The following COL4A4 variants were observed in gnomAD, a reference collection of about 807,000 sequenced individuals.
COL4A4 encodes collagen type IV alpha 4 chain.
A neutral mutation model predicts 192.9 loss-of-function variants in COL4A4; 105 were observed. The observed-to-expected ratio is 0.54, with a 90% CI of 0.46 to 0.64. COL4A4 has a LOEUF of 0.64. COL4A4 is among the 30% of genes least tolerant of loss of function. The probability of loss-of-function intolerance (pLI) is 0.00; values close to 1 mark genes in which losing one functional copy is unlikely to be tolerated. For missense variants in COL4A4, 1,967 were observed against 2,169.3 expected, an observed-to-expected ratio of 0.91 and a Z score of 1.85; for synonymous variants, 762 against 769.9, an observed-to-expected ratio of 0.99 and a Z score of 0.17.
At chr2:227,044,615 A>T (rs1972073120) in intron 35 of COL4A4, among the ~76,000 whole-genome samples, 1 of 113,716 alleles carries the variant, frequency 8.8e-6, no homozygotes, top group African/African-American at 3.4e-5. Context: ...ACACTGAAAT[A>T]TTAAAAATAA....
chr2:227,077,730 G>C (rs1169864141), intron 25 of COL4A4, among the ~76,000 whole-genome samples, 164 bp downstream of exon 25: 1 of 151,536 alleles, frequency 6.6e-6, no homozygotes, highest in Non-Finnish European at 1.5e-5. Context: ...GGGAGGAAAG[G>C]GGTCTAGGGA....
intron 4 of COL4A4, among the ~76,000 whole-genome samples, chr2:227,139,536 G>A (rs1031230064): frequency 9.2e-5 from 14 of 152,298 alleles, no homozygotes; most frequent in Admixed American, 7.2e-4. Flanking sequence ...AGAATCTAGC[G>A]TGGTCATCAA....
In COL4A4 at chr2:227,045,949, ATG is replaced by A. The variant is rs1345635076; in HGVS notation, c.3289+1524_3289+1525del. Among the ~76,000 whole-genome samples the A allele has an allele frequency of 4.9e-3, 446 of 91,368 alleles. 103 individuals carry two copies. Among genetic ancestry groups the A allele is most frequent in the African/African-American group, 0.021 (403 of 19,554 alleles). 59.9% of individuals were successfully genotyped at this position (91,368 alleles called of 152,430 possible). On this transcript the variant is annotated intron_variant, in intron 35 of 47. Transcript: ENST00000396625. ...TATGTATATATGTATATATGTATAT[ATG>A]TATATATGTATATATTTATATGTGT...
chr2:227,079,263 G>A (rs894035343), intron 24 of COL4A4, among the ~76,000 whole-genome samples: 7 of 152,170 alleles, frequency 4.6e-5, no homozygotes, highest in Non-Finnish European at 1.0e-4. Flanking sequence ...TTGTTTCAAC[G>A]AATCTAGGAA....
the COL4A4 span, among the ~76,000 whole-genome samples, chr2:226,973,411 G>T: frequency 6.6e-6 from 1 of 152,210 alleles, no homozygotes; most frequent in Non-Finnish European, 1.5e-5. Flanking sequence ...GGGAAAGTTG[G>T]GAAGTGAGTG....
intron 10 of COL4A4, 66 bp downstream of exon 10, chr2:227,109,158 G>C: frequency 6.8e-7 from 1 of 1,476,780 alleles, no homozygotes; most frequent in Admixed American, 1.7e-5. Context: ...AAATGGCAAT[G>C]TTGCTTCTTT....
chr2:227,088,580 T>G (rs776347149), intron 22 of COL4A4, 73 bp downstream of exon 22: 7 of 1,564,830 alleles, frequency 4.5e-6, no homozygotes, highest in Non-Finnish European at 6.2e-6. Flanking sequence ...GGGTAGTATC[T>G]TTATGGTAGT....
intron 31 of COL4A4, among the ~76,000 whole-genome samples, chr2:227,053,084 CT>C (rs60307893): frequency 1.0e-3 from 146 of 146,014 alleles, no homozygotes; most frequent in Admixed American, 2.4e-3. Context: ...AACCACGGTG[CT>C]TTTTTTTTTT....
intron 4 of COL4A4, 139 bp downstream of exon 4, chr2:227,140,022 G>T: frequency 1.4e-6 from 1 of 731,600 alleles, no homozygotes; most frequent in Non-Finnish European, 2.5e-6. Flanking sequence ...CTATTAGAAT[G>T]TGAAAAACTT....
chr2:227,101,548 C>T lies in COL4A4; in HGVS notation c.985G>A (p.Gly329Arg), dbSNP rs1162654150. 6.2e-7 allele frequency: 1 copy of T among 1,611,098 alleles called. No individual in the cohort carries two copies. The highest frequency in any genetic ancestry group is 1.7e-5 in the Admixed American group (1 of 59,762). ...AATAGCCCAGGATCTCCAACCAGTC[C>T]TAGTTCTCCCTACAAACAAGCACAA... ...PGFPGLKGEL[G>R]LVGDPGLFGL... Residue 329 changes from glycine (G) to arginine (R), a missense_variant, in exon 17 of 48, where the codon GGA (glycine) becomes AGA (arginine). By Grantham distance (125) the Gly-to-Arg change is moderately radical. Coordinates refer to ENST00000396625, the MANE Select transcript of COL4A4 (RefSeq NM_000092.5).
the COL4A4 span, chr2:226,995,348 C>T: frequency 2.5e-6 from 2 of 813,560 alleles, no homozygotes; most frequent in South Asian, 3.0e-5. Flanking sequence ...CCCAAGCTAT[C>T]ACTTTGTTCC....
chr2:227,111,866 G>A (rs959977127), intron 8 of COL4A4, among the ~76,000 whole-genome samples, 153 bp from the exon 9 acceptor site: 1 of 152,194 alleles, frequency 6.6e-6, no homozygotes, highest in African/African-American at 2.4e-5. Flanking sequence ...GAAGGGATAT[G>A]CGGAGGTGAT....
At chr2:227,114,958 A>G (rs1303510449) in intron 7 of COL4A4, among the ~76,000 whole-genome samples, 4 of 152,146 alleles carry the variant, frequency 2.6e-5, no homozygotes, top group African/African-American at 9.7e-5. Flanking sequence ...GAAAATTTTC[A>G]TATTTCCTTA....
chr2:226,991,398 T>G, the COL4A4 span, among the ~76,000 whole-genome samples: 1 of 152,158 alleles, frequency 6.6e-6, no homozygotes, highest in Non-Finnish European at 1.5e-5. Flanking sequence ...GCCCGGATGG[T>G]CTCAATCTCC....
In COL4A4 at chr2:227,047,123, T is replaced by C. The variant is rs540265373; in HGVS notation, c.3289+352A>G. On this transcript the variant is annotated intron_variant, in intron 35 of 47. Coordinates refer to ENST00000396625, the MANE Select transcript of COL4A4 (RefSeq NM_000092.5). ...GTGAGTGGTTATTGCGAATGCATCATTTTAAATGATAGAGGGTGCAAAATG... is the reference window on the plus strand; with the variant it reads ...GTGAGTGGTTATTGCGAATGCATCACTTTAAATGATAGAGGGTGCAAAATG... 4.6e-4 allele frequency among the ~76,000 whole-genome samples: 70 copies of C among 152,154 alleles called. 1 individual carries two copies. In the South Asian group the frequency reaches 0.015, roughly 32 times the overall value.
At chr2:227,087,115 G>C (rs1347093536) in intron 22 of COL4A4, among the ~76,000 whole-genome samples, 2 of 152,170 alleles carry the variant, frequency 1.3e-5, no homozygotes, top group Non-Finnish European at 2.9e-5. Flanking sequence ...CAGTCTCCAG[G>C]GGAGTACCCC....
Position 227,085,129 on chromosome 2 carries a change from C to A in COL4A4, c.1624-2942G>T, listed in dbSNP as rs1394367440. On this transcript the variant is annotated intron_variant, in intron 22 of 47. Coordinates refer to ENST00000396625, the MANE Select transcript of COL4A4 (RefSeq NM_000092.5). ...CTGGGCGACAAGAGTGAAATTCCACCAAAAAAAAAAACAAAAGCAAAACGA... is the reference window on the plus strand; with the variant it reads ...CTGGGCGACAAGAGTGAAATTCCACAAAAAAAAAAAACAAAAGCAAAACGA... Among the ~76,000 whole-genome samples the A allele has an allele frequency of 8.3e-5, 12 of 144,024 alleles. No individual in the cohort carries two copies. The South Asian group carries it at 2.0e-3, about 24-fold the overall frequency. 94.5% of individuals were successfully genotyped at this position (144,024 alleles called of 152,430 possible). A position where few individuals can be genotyped will look rare whatever the true frequency, so the allele number is the denominator to read the frequency against.
intron 25 of COL4A4, among the ~76,000 whole-genome samples, chr2:227,065,665 G>C (rs1423264821): frequency 6.6e-6 from 1 of 152,008 alleles, no homozygotes; most frequent in Non-Finnish European, 1.5e-5. Flanking sequence ...TGCAGCTGAG[G>C]GTACTGTTAG....
At chr2:227,057,911 A>T (rs1011640029) in intron 28 of COL4A4, among the ~76,000 whole-genome samples, 7 of 152,226 alleles carry the variant, frequency 4.6e-5, no homozygotes, top group Non-Finnish European at 1.0e-4. Flanking sequence ...TTTACATCAA[A>T]TCTCTACAAT....
Sources: allele counts gnomAD v4.1 joint callset (sites outside exome capture counted in the v4.1 genomes callset), GRCh38; gene constraint gnomAD v4.1.1; transcripts MANE v1.5; gene names NCBI Gene and HGNC (gene_info 2026-07-23, HGNC 2026-07-21).